The following PLCL2 variants were observed in gnomAD, a reference collection of about 807,000 sequenced individuals.
The protein encoded by PLCL2 is phospholipase C like 2.
In PLCL2, 4 loss-of-function variants were observed where a neutral mutation model predicts 79.6. The observed-to-expected ratio is 0.05, with a 90% confidence interval of 0.02 to 0.11. PLCL2 has a LOEUF of 0.11. Among genes scored for constraint, PLCL2 ranks in the 10% least tolerant of loss-of-function variants. The pLI is 1.00. For synonymous variants in PLCL2, 484 were observed against 457.7 expected (o/e 1.06, Z -0.73); for missense variants, 895 against 1,291.0 (o/e 0.69, Z 4.70).
chr3:17,000,735 T>C (rs2125002108), intron 1 of PLCL2, among the ~76,000 whole-genome samples: 1 of 152,284 alleles, frequency 6.6e-6, no homozygotes, highest in Admixed American at 6.5e-5. Context: ...CCATCCATGT[T>C]GCTGCAAATG....
chr3:16,978,559 G>A lies in PLCL2; in HGVS notation c.328-31115G>A, dbSNP rs542827492. ...GAAGCCTGCCTTCATTTCTTTTGCAGTTCAGTGGGTTTGGGTCAGACTAGA... is the reference window on the plus strand; with the variant it reads ...GAAGCCTGCCTTCATTTCTTTTGCAATTCAGTGGGTTTGGGTCAGACTAGA... On this transcript the variant is annotated intron_variant, in intron 1 of 5. Coordinates refer to ENST00000615277, the MANE Select transcript of PLCL2 (RefSeq NM_001144382.2). 7.2e-5 allele frequency among the ~76,000 whole-genome samples: 11 copies of A among 152,332 alleles called. No individual in the cohort carries two copies. In the East Asian group the frequency reaches 2.1e-3, roughly 29 times the overall value.
chr3:17,007,461 A>G lies in PLCL2; in HGVS notation c.328-2213A>G, dbSNP rs151121312. ...GGCTTTAATATAATGTATCTTACAGATACAATTACCACAGTTTTTATGTAT... is the reference window on the plus strand; with the variant it reads ...GGCTTTAATATAATGTATCTTACAGGTACAATTACCACAGTTTTTATGTAT... On this transcript the variant is annotated intron_variant, in intron 1 of 5. Coordinates refer to ENST00000615277, the MANE Select transcript of PLCL2 (RefSeq NM_001144382.2). Among the ~76,000 whole-genome samples the G allele has an allele frequency of 2.6e-3, 399 of 152,336 alleles. 2 individuals are homozygous for G. Among genetic ancestry groups the G allele is most frequent in the African/African-American group, 9.0e-3 (376 of 41,580 alleles).
intron 1 of PLCL2, among the ~76,000 whole-genome samples, chr3:16,992,207 T>C (rs893641891): frequency 1.4e-4 from 22 of 152,132 alleles, no homozygotes; most frequent in African/African-American, 5.3e-4. Flanking sequence ...GTGATCGGGG[T>C]GGAGTGGTGA....
intron 1 of PLCL2, among the ~76,000 whole-genome samples, chr3:16,989,543 T>C (rs1170255431): frequency 1.3e-5 from 2 of 152,204 alleles, no homozygotes; most frequent in East Asian, 3.8e-4. Flanking sequence ...TTTGGATATT[T>C]TGAGTTAAAT....
chr3:16,885,429 G>T, intron 1 of PLCL2, 63 bp downstream of exon 1: 1 of 546,072 alleles, frequency 1.8e-6, no homozygotes, highest in Admixed American at 3.6e-5. Flanking sequence ...TTTTCTCCCT[G>T]GGGGAGTGGT....
intron 1 of PLCL2, among the ~76,000 whole-genome samples, chr3:16,972,703 T>G (rs2063885660): frequency 6.6e-6 from 1 of 152,106 alleles, no homozygotes; most frequent in African/African-American, 2.4e-5. Flanking sequence ...TATTTAGGTC[T>G]CCTTGTTGAA....
intron 1 of PLCL2, among the ~76,000 whole-genome samples, chr3:16,997,404 T>A (rs2125000003): frequency 6.6e-6 from 1 of 150,864 alleles, no homozygotes; most frequent in East Asian, 2.1e-4. Context: ...GGGTGGCTCA[T>A]GAATGGTTTG....
At chr3:16,970,651 T>C (rs1408220715) in intron 1 of PLCL2, among the ~76,000 whole-genome samples, 1 of 148,076 alleles carries the variant, frequency 6.8e-6, no homozygotes, top group Admixed American at 6.8e-5. Context: ...TCTTCCACAA[T>C]GGTTGAACTA....
At chr3:16,980,137 TG>T (rs1200722215) in intron 1 of PLCL2, among the ~76,000 whole-genome samples, 14 of 724 alleles carry the variant, frequency 0.019, 1 homozygote, top group African/African-American at 0.033. Flanking sequence ...GCTGGCCGGG[TG>T]GGGGGGCTGA....
chr3:16,932,237 A>G (rs917464186), intron 1 of PLCL2, among the ~76,000 whole-genome samples: 1 of 152,220 alleles, frequency 6.6e-6, no homozygotes, highest in African/African-American at 2.4e-5. Context: ...CCATTCTGCT[A>G]TGTGGTTTAG....
At chr3:17,022,971 T>C (rs1187246425) in intron 3 of PLCL2, among the ~76,000 whole-genome samples, 1 of 152,194 alleles carries the variant, frequency 6.6e-6, no homozygotes, top group Non-Finnish European at 1.5e-5. Context: ...TCTCTGACTT[T>C]CTCTCTTTCC....
intron 1 of PLCL2, among the ~76,000 whole-genome samples, chr3:16,938,388 C>A (rs1468594335): frequency 6.6e-6 from 1 of 151,980 alleles, no homozygotes; most frequent in Non-Finnish European, 1.5e-5. Context: ...AACAAGAGTT[C>A]GGAAAGAAAT....
chr3:16,950,533 A>G (rs1259953255), intron 1 of PLCL2, among the ~76,000 whole-genome samples: 1 of 150,732 alleles, frequency 6.6e-6, no homozygotes, highest in East Asian at 1.9e-4. Flanking sequence ...TAAAATACTG[A>G]CAGTGTTGTG....
intron 5 of PLCL2, among the ~76,000 whole-genome samples, chr3:17,082,237 G>C (rs6778930): frequency 0.023 from 3,401 of 147,146 alleles, 156 homozygotes; most frequent in African/African-American, 0.08. Flanking sequence ...TTTGCCTCCT[G>C]GGTTCAAGCA....
chr3:17,023,141 C>T (rs1030614103), intron 3 of PLCL2, among the ~76,000 whole-genome samples: 1 of 152,126 alleles, frequency 6.6e-6, no homozygotes, highest in African/African-American at 2.4e-5. Context: ...GGGGGATTTC[C>T]CAGCTCCAAC....
rs528536986 is a variant in PLCL2, at chr3:16,948,525, T to C, written c.328-61149T>C. On this transcript the variant is annotated intron_variant, in intron 1 of 5. Transcript: ENST00000615277. Reference sequence around the variant, plus strand: ...TTAAATAGATGTATTGTGTGGTGTGTGAATTATATCTCAATAAAACTATTG... The same window carrying C: ...TTAAATAGATGTATTGTGTGGTGTGCGAATTATATCTCAATAAAACTATTG... 8.3e-4 allele frequency among the ~76,000 whole-genome samples: 127 copies of C among 152,372 alleles called. 1 individual carries two copies. Among genetic ancestry groups the C allele is most frequent in the Admixed American group, 1.7e-3 (26 of 15,306 alleles).
rs1696191454 is a variant in PLCL2 at position 16,885,319 on chromosome 3, C to T, written c.280C>T (p.Arg94Trp). The change falls in exon 1 of 6, where the codon CGG (arginine) becomes TGG (tryptophan). Residue 94 changes from arginine to tryptophan, a missense_variant. Transcript: ENST00000615277. ...TPSAVVCTLPRESKPGGLPRR... is the reference protein window; with the variant it reads ...TPSAVVCTLPWESKPGGLPRR... Reference sequence around the variant, plus strand: ...CAGCGCGGTCGTCTGTACCCTCCCCCGGGAGAGCAAGCCGGGCGGCCTGCC... The same window carrying T: ...CAGCGCGGTCGTCTGTACCCTCCCCTGGGAGAGCAAGCCGGGCGGCCTGCC... 1.5e-6 allele frequency: 1 copy of T among 666,446 alleles called. No homozygotes were observed. Among genetic ancestry groups the T allele is most frequent in the Non-Finnish European group, 2.7e-6 (1 of 368,278 alleles). 41.3% of individuals were successfully genotyped at this position (666,446 alleles called of 1,614,324 possible).
intron 1 of PLCL2, among the ~76,000 whole-genome samples, chr3:16,911,079 C>A (rs1268856734): frequency 1.3e-5 from 2 of 151,810 alleles, no homozygotes; most frequent in Non-Finnish European, 2.9e-5. Flanking sequence ...ATGGTGAAAC[C>A]CCATCTCAAC....
intron 4 of PLCL2, among the ~76,000 whole-genome samples, chr3:17,049,094 T>G (rs1336590076): frequency 2.0e-5 from 3 of 146,982 alleles, no homozygotes; most frequent in Non-Finnish European, 4.6e-5. Context: ...GCACTTCTTG[T>G]GCAAAGTTTT....
Sources: allele counts gnomAD v4.1 joint callset (sites outside exome capture counted in the v4.1 genomes callset), GRCh38; gene constraint gnomAD v4.1.1; transcripts MANE v1.5; gene names NCBI Gene and HGNC (gene_info 2026-07-23, HGNC 2026-07-21).